C8orf34: variants seen among roughly 807,000 people sequenced by gnomAD.
C8orf34 encodes the protein chromosome 8 open reading frame 34.
A neutral mutation model predicts 68.3 loss-of-function variants in C8orf34; 65 were observed. The observed-to-expected ratio is 0.95, with a 90% CI of 0.78 to 1.17. C8orf34 has a LOEUF of 1.17. Ranked by LOEUF, C8orf34 falls within the 50% of genes most tolerant of loss-of-function variation. The probability of loss-of-function intolerance (pLI) is 0.00; values close to 1 mark genes in which losing one functional copy is unlikely to be tolerated. For missense variants in C8orf34, 664 were observed against 655.4 expected (o/e 1.01, Z -0.14); for synonymous variants, 244 against 241.2 (o/e 1.01, Z -0.11).
At chr8:68,449,624 A>T (rs546509137) in intron 3 of C8orf34, among the ~76,000 whole-genome samples, 1 of 152,182 alleles carries the variant, frequency 6.6e-6, no homozygotes, top group East Asian at 1.9e-4. Context: ...TTTATATTCT[A>T]CTCTACTGTA....
intron 7 of C8orf34, chr8:68,625,683 G>T: frequency 1.4e-6 from 1 of 697,814 alleles, no homozygotes; most frequent in South Asian, 1.5e-5. Context: ...TCCTCCCTGT[G>T]GCACACCACA....
intron 5 of C8orf34, among the ~76,000 whole-genome samples, chr8:68,500,183 C>T (rs999747104): frequency 6.6e-6 from 1 of 152,138 alleles, no homozygotes; most frequent in Non-Finnish European, 1.5e-5. Flanking sequence ...TCAGGTATAC[C>T]TTTATAGTAA....
chr8:68,642,267 T>G (rs1585660581), intron 8 of C8orf34, among the ~76,000 whole-genome samples: 1 of 152,240 alleles, frequency 6.6e-6, no homozygotes, highest in African/African-American at 2.4e-5. Context: ...AGTTCATGAC[T>G]GTTTTGATGG....
At position 68,565,018 on chromosome 8, in the gene C8orf34, T is replaced by C. The variant is rs1490742390; in HGVS notation, c.1105+31869T>C. 2.6e-5 allele frequency among the ~76,000 whole-genome samples: 4 copies of C among 152,196 alleles called. No individual in the cohort carries two copies. In the South Asian group the frequency reaches 6.2e-4, roughly 24 times the overall value. On this transcript the variant is annotated intron_variant, in intron 7 of 13. Coordinates refer to ENST00000518698, the MANE Select transcript of C8orf34 (RefSeq NM_052958.4). ...CATCAGAATTATTCCCATAAAAATA[T>C]CTGAAGTGTCTTCTTTCTTCCATTT...
intron 1 of C8orf34, among the ~76,000 whole-genome samples, chr8:68,346,381 C>T (rs983540470): frequency 2.0e-5 from 3 of 151,676 alleles, no homozygotes; most frequent in Non-Finnish European, 4.4e-5. Flanking sequence ...GCACCAACCT[C>T]CCCCATCACA....
chr8:68,634,976 G>C (rs1468472028), intron 7 of C8orf34, among the ~76,000 whole-genome samples: 1 of 152,054 alleles, frequency 6.6e-6, no homozygotes, highest in Non-Finnish European at 1.5e-5. Context: ...AATTCCAGAA[G>C]GCTTCTGACT....
intron 8 of C8orf34, among the ~76,000 whole-genome samples, chr8:68,699,332 T>G (rs1244670529): frequency 6.6e-6 from 1 of 152,110 alleles, no homozygotes; most frequent in Non-Finnish European, 1.5e-5. Flanking sequence ...TGAACATGAA[T>G]AATTGTTCTG....
Position 68,796,729 on chromosome 8 carries a change from T to C in C8orf34, c.1549+9193T>C, listed in dbSNP as rs541388929. Among the ~76,000 whole-genome samples the C allele has an allele frequency of 1.4e-3, 216 of 152,146 alleles. 1 individual carries two copies. Among genetic ancestry groups the C allele is most frequent in the African/African-American group, 4.9e-3 (204 of 41,500 alleles). ...AAATGGCACAGAGACTCTTCTAAAA[T>C]ATTTACATAATCCAATCACTGGGTA... On this transcript the variant is annotated intron_variant, in intron 12 of 13. Coordinates refer to ENST00000518698, the MANE Select transcript of C8orf34 (RefSeq NM_052958.4).
intron 8 of C8orf34, among the ~76,000 whole-genome samples, chr8:68,680,886 C>T (rs1820348686): frequency 6.6e-6 from 1 of 152,090 alleles, no homozygotes; most frequent in Non-Finnish European, 1.5e-5. Context: ...GTATCTCAGT[C>T]CTTATCTCAA....
intron 10 of C8orf34, among the ~76,000 whole-genome samples, chr8:68,761,965 T>C (rs975731207): frequency 2.6e-5 from 4 of 152,230 alleles, no homozygotes; most frequent in African/African-American, 9.6e-5. Context: ...TTGATAACTT[T>C]GAAAATGTGT....
chr8:68,491,019 T>C (rs4489312), intron 5 of C8orf34, among the ~76,000 whole-genome samples: 58,903 of 152,050 alleles, frequency 0.39, 11,746 homozygotes, highest in African/African-American at 0.45. Context: ...TCCTTTTACT[T>C]TTCCCTTAAC....
intron 8 of C8orf34, among the ~76,000 whole-genome samples, chr8:68,667,768 C>T (rs1819884187): frequency 6.6e-6 from 1 of 152,038 alleles, no homozygotes; most frequent in South Asian, 2.1e-4. Flanking sequence ...TGTATTTAAG[C>T]CAATTTCTAG....
chr8:68,461,006 G>T (rs1811793805), intron 3 of C8orf34, among the ~76,000 whole-genome samples: 1 of 152,212 alleles, frequency 6.6e-6, no homozygotes, highest in South Asian at 2.1e-4. Flanking sequence ...GCTACAGGAA[G>T]AAATTCAAAC....
intron 5 of C8orf34, among the ~76,000 whole-genome samples, chr8:68,491,083 A>C (rs999909947): frequency 1.3e-5 from 2 of 152,164 alleles, no homozygotes; most frequent in Admixed American, 6.5e-5. Flanking sequence ...AAAATATGGA[A>C]TTTTTTAACC....
intron 2 of C8orf34, 102 bp downstream of exon 2, chr8:68,439,748 C>T: frequency 4.4e-6 from 5 of 1,138,624 alleles, no homozygotes; most frequent in Non-Finnish European, 6.1e-6. Flanking sequence ...AGATAGTTAC[C>T]AAAGGTTTCA....
At chr8:68,446,270 G>A (rs575677417) in intron 2 of C8orf34, 59 bp from the exon 3 acceptor site, 2 of 1,452,586 alleles carry the variant, frequency 1.4e-6, no homozygotes, top group Non-Finnish European at 9.3e-7. Context: ...CGTGGACTTG[G>A]TTTTTGCTCA....
At chr8:68,466,201 A>T (rs1812126816) in intron 3 of C8orf34, among the ~76,000 whole-genome samples, 1 of 151,718 alleles carries the variant, frequency 6.6e-6, no homozygotes, top group South Asian at 2.1e-4. Context: ...AGGGATTGAA[A>T]GATAGATAAC....
At chr8:68,764,103 C>T (rs1004144815) in intron 10 of C8orf34, among the ~76,000 whole-genome samples, 12 of 152,222 alleles carry the variant, frequency 7.9e-5, no homozygotes, top group Admixed American at 5.9e-4. Context: ...GATATGTGGA[C>T]GAGCTTGGAC....
chr8:68,637,311 A>G (rs1818875475), intron 7 of C8orf34, among the ~76,000 whole-genome samples: 1 of 152,148 alleles, frequency 6.6e-6, no homozygotes, highest in Non-Finnish European at 1.5e-5. Flanking sequence ...TTGTATAAAC[A>G]ATGAATCAGT....
Sources: gnomAD v4.1 joint callset for allele counts (sites outside exome capture counted in the v4.1 genomes callset) on GRCh38, gnomAD v4.1.1 for gene constraint, MANE v1.5 for transcripts, NCBI Gene and HGNC (gene_info 2026-07-23, HGNC 2026-07-21) for gene names.